The following SHANK1 variants were observed in gnomAD, a reference collection of about 807,000 sequenced individuals.
SHANK1 encodes the protein SH3 and multiple ankyrin repeat domains 1.
Under a neutral mutation model 165.6 loss-of-function variants are expected in SHANK1, and 35 were observed. The observed-to-expected ratio is 0.21, with a 90% CI of 0.16 to 0.28. The LOEUF is 0.28. Among genes scored for constraint, SHANK1 ranks in the 10% least tolerant of loss-of-function variants. The pLI is 1.00. For synonymous variants in SHANK1, 1,428 were observed against 1,384.8 expected (o/e 1.03, Z -0.69); for missense variants, 2,681 against 3,036.4 (o/e 0.88, Z 2.75).
intron 21 of SHANK1, among the ~76,000 whole-genome samples, chr19:50,679,095 A>G (rs1041197672): frequency 2.9e-4 from 3 of 10,506 alleles, no homozygotes; most frequent in African/African-American, 5.5e-4. Context: ...GGTGATGGGG[A>G]GGGGTCAGGG....
intron 10 of SHANK1, 114 bp from the exon 11 acceptor site, chr19:50,703,944 G>A (rs2088904560): frequency 2.7e-6 from 2 of 740,552 alleles, no homozygotes; most frequent in Non-Finnish European, 2.2e-6. Flanking sequence ...AGACAGAGAT[G>A]AGAAAGGGAG....
chr19:50,686,262 C>A lies in SHANK1; in HGVS notation c.2552G>T (p.Arg851Leu), dbSNP rs757198942. 1.9e-5 allele frequency: 30 copies of A among 1,603,998 alleles called. No individual in the cohort carries two copies. The highest frequency in any genetic ancestry group is 2.6e-5 in the Non-Finnish European group (30 of 1,174,588). Residue 851 changes from arginine to leucine, a missense_variant, in exon 21 of 24, where the codon CGA becomes CTA. Arg to Leu is a moderately radical substitution (Grantham distance 102). This residue lies in a region of SHANK1 where 206 missense variants were observed against 216.0 expected (regional missense o/e 0.95). Coordinates refer to ENST00000293441, the MANE Select transcript of SHANK1 (RefSeq NM_016148.5). This position sits in a 1 kb window ranked among gnomAD's most constrained non-coding sequence, Gnocchi z 5.7. ...CTCAGTGGCAAAGAAACCTTTGGGTCGGTGTTTGCCCAGGGACGCGAGGCC... is the reference window on the plus strand; with the variant it reads ...CTCAGTGGCAAAGAAACCTTTGGGTAGGTGTTTGCCCAGGGACGCGAGGCC... Reference protein sequence around the residue: ...PGGLASLGKHRPKGFFATESS... With the variant: ...PGGLASLGKHLPKGFFATESS...
chr19:50,687,042 T>C, intron 19 of SHANK1: 1 of 1,477,312 alleles, frequency 6.8e-7, no homozygotes. Context: ...AGGGGGAGAC[T>C]AGCCCGGGGG....
intron 12 of SHANK1, among the ~76,000 whole-genome samples, chr19:50,698,924 T>G (rs911885913): frequency 6.6e-6 from 1 of 152,270 alleles, no homozygotes; most frequent in Non-Finnish European, 1.5e-5. Context: ...GCCCTTCACA[T>G]AGTTTCCTTC....
chr19:50,698,444 A>G (rs1986808564), intron 12 of SHANK1, among the ~76,000 whole-genome samples: 1 of 152,048 alleles, frequency 6.6e-6, no homozygotes, highest in Non-Finnish European at 1.5e-5. Context: ...TCCTGGCTCT[A>G]GAAGGGAAAA....
In SHANK1 at chr19:50,668,088, C is replaced by T. The variant is rs1391815638; in HGVS notation, c.3872G>A (p.Gly1291Asp). The change falls in exon 23 of 24, where the codon GGC (glycine) becomes GAC (aspartate). Residue 1291 changes from glycine (G) to aspartate (D), a missense_variant. Physicochemically the swap from Gly to Asp is moderately conservative, Grantham distance 94. Around this residue, in one of 10 missense-constraint regions of SHANK1, gnomAD observed 1,713 missense variants for 1,630.2 expected, o/e 1.05. Transcript: ENST00000293441. ...GAGGTAGGGCTCGGCGGAGAACATG[C>T]CCTCGTCGATGGATTTGGAGTGGCG... is the stretch of plus-strand genomic sequence containing the variant. ...RLRHSKSIDEGMFSAEPYLRL... is the reference protein window; with the variant it reads ...RLRHSKSIDEDMFSAEPYLRL... The T allele has an allele frequency of 2.0e-6, 3 of 1,481,086 alleles. No homozygotes were observed. The highest frequency in any genetic ancestry group is 2.7e-6 in the Non-Finnish European group (3 of 1,121,068). The allele number at this position is 1,481,086 out of a possible 1,614,324, so 91.7% of individuals were successfully genotyped here.
chr19:50,706,657 C>G (rs1294706963), intron 8 of SHANK1, among the ~76,000 whole-genome samples: 1 of 151,962 alleles, frequency 6.6e-6, no homozygotes, highest in African/African-American at 2.4e-5. Context: ...GCATAGCTTG[C>G]TTCCTCACTT....
At chr19:50,703,182 C>T (rs541013933) in intron 11 of SHANK1, among the ~76,000 whole-genome samples, 1 of 152,186 alleles carries the variant, frequency 6.6e-6, no homozygotes, top group South Asian at 2.1e-4. Flanking sequence ...TGCCACCCCC[C>T]CCATCCTCTT....
In SHANK1 at chr19:50,702,003, G is replaced by A. The variant is rs1015818822; in HGVS notation, c.1747+464C>T. On this transcript the variant is annotated intron_variant, in intron 12 of 23. Transcript: ENST00000293441. The surrounding 1 kb of genome is among the most constrained non-coding windows in gnomAD (Gnocchi z 5.3). ...AGGTCCCTGCCTGTCTCTCAGTTGA[G>A]GACCCCTGGACAGATGCAGGAGGCA... 6.6e-6 allele frequency among the ~76,000 whole-genome samples: 1 copy of A among 152,166 alleles called. No homozygotes were observed. The highest frequency in any genetic ancestry group is 2.4e-5 in the African/African-American group (1 of 41,434).
chr19:50,691,098 C>T (rs1005483667), intron 15 of SHANK1, among the ~76,000 whole-genome samples: 10 of 152,112 alleles, frequency 6.6e-5, no homozygotes, highest in South Asian at 2.1e-4. Flanking sequence ...ACACCATACC[C>T]GCCATGTCTT....
At chr19:50,696,425 C>T (rs1184369644) in intron 15 of SHANK1, among the ~76,000 whole-genome samples, 4 of 151,992 alleles carry the variant, frequency 2.6e-5, no homozygotes, top group Non-Finnish European at 5.9e-5. Flanking sequence ...CCCCCATCCC[C>T]GACCCATCCC....
chr19:50,704,631 G>A (rs1330382990), intron 8 of SHANK1, 117 bp from the exon 9 acceptor site: 14 of 911,090 alleles, frequency 1.5e-5, no homozygotes, highest in East Asian at 9.8e-5. Flanking sequence ...CCCTAAACCC[G>A]CACCACTGAG....
intron 8 of SHANK1, among the ~76,000 whole-genome samples, chr19:50,709,291 A>G (rs773003872): frequency 6.6e-6 from 1 of 151,962 alleles, no homozygotes; most frequent in Non-Finnish European, 1.5e-5. Context: ...GGCGCCCGCC[A>G]CCACGCCTGG....
Position 50,697,525 on chromosome 19 carries a change from A to G in SHANK1, c.1937+64T>C. 1 of 1,181,166 alleles carries G rather than the reference A, an allele frequency of 8.5e-7. No homozygotes were observed. Among genetic ancestry groups the G allele is most frequent in the Non-Finnish European group, 1.3e-6 (1 of 784,852 alleles). The allele number at this position is 1,181,166 out of a possible 1,614,324, so 73.2% of individuals were successfully genotyped here. A position where few individuals can be genotyped will look rare whatever the true frequency, so the allele number is the denominator to read the frequency against. ...GGCTTAGAGGTGATGGAAATATTTA[A>G]AGGTGTACATTGTGAAGGGAACTTG... On this transcript the variant is annotated intron_variant, in intron 14 of 23. Transcript: ENST00000293441. This position sits in a 1 kb window ranked among gnomAD's most constrained non-coding sequence, Gnocchi z 4.7.
At position 50,718,764 on chromosome 19, in the gene SHANK1, G is replaced by T. The variant is rs1329655221; in HGVS notation, c.-44+642C>A. On this transcript the variant is annotated intron_variant, in intron 1 of 23. Coordinates refer to ENST00000293441, the MANE Select transcript of SHANK1 (RefSeq NM_016148.5). This position sits in a 1 kb window ranked among gnomAD's most constrained non-coding sequence, Gnocchi z 5.1. ...CGGGGAGGGGCGGGGAGAGAGAGCC[G>T]GAGCCGAGGCTGGGAAACTGGTGGG... Among the ~76,000 whole-genome samples the T allele has an allele frequency of 2.0e-5, 3 of 147,918 alleles. No homozygotes were observed. Among genetic ancestry groups the T allele is most frequent in the Admixed American group, 6.7e-5 (1 of 14,992 alleles).
chr19:50,668,132 C>T lies in SHANK1; in HGVS notation c.3828G>A (p.Ala1276=), dbSNP rs1289877448. 1.4e-6 allele frequency: 2 copies of T among 1,472,974 alleles called. No homozygotes were observed. Among genetic ancestry groups the T allele is most frequent in the East Asian group, 6.0e-5 (2 of 33,540 alleles). 91.2% of individuals were successfully genotyped at this position (1,472,974 alleles called of 1,614,324 possible). A position where few individuals can be genotyped will look rare whatever the true frequency, so the allele number is the denominator to read the frequency against. The change falls in exon 23 of 24, where the codon GCG becomes GCA. Residue 1276 remains alanine (A), a synonymous_variant. Coordinates refer to ENST00000293441, the MANE Select transcript of SHANK1 (RefSeq NM_016148.5). ...DGGDGGLGTG[A]APGPRLRHSK... ...AGTGGCGCAGCCGCGGGCCCGGGGCCGCCCCTGTGCCCAGCCCGCCGTCCC... is the reference window on the plus strand; with the variant it reads ...AGTGGCGCAGCCGCGGGCCCGGGGCTGCCCCTGTGCCCAGCCCGCCGTCCC...
At chr19:50,695,114 C>G (rs925278181) in intron 15 of SHANK1, among the ~76,000 whole-genome samples, 4 of 146,552 alleles carry the variant, frequency 2.7e-5, no homozygotes, top group Non-Finnish European at 4.6e-5. Context: ...GCCGCGTCCC[C>G]GTACCCGCTC....
Position 50,686,790 on chromosome 19 carries a change from C to A in SHANK1, c.2412G>T (p.Pro804=). ...TCCGCTTTTTCTCCATGCTGGGCAC[C>A]GGCGCCGGCTGCTGCTCGTACTCTG... The part of the protein sequence containing the change: ...EEMEYEQQPA[P]VPSMEKKRTV... Residue 804 remains proline, a synonymous_variant, in exon 20 of 24, where the codon CCG becomes CCT. Coordinates refer to ENST00000293441, the MANE Select transcript of SHANK1 (RefSeq NM_016148.5). The surrounding 1 kb of genome is among the most constrained non-coding windows in gnomAD (Gnocchi z 5.7). 1 of 1,613,736 alleles carries A rather than the reference C, an allele frequency of 6.2e-7. No homozygotes were observed. Among genetic ancestry groups the A allele is most frequent in the Non-Finnish European group, 8.5e-7 (1 of 1,179,786 alleles).
intron 16 of SHANK1, 51 bp from the exon 17 acceptor site, chr19:50,689,019 C>G (rs547461164): frequency 2.9e-6 from 4 of 1,374,702 alleles, no homozygotes; most frequent in Non-Finnish European, 4.0e-6. Flanking sequence ...GTGGAGAGGC[C>G]GAGCAGGGGA....
Sources: allele counts gnomAD v4.1 joint callset (sites outside exome capture counted in the v4.1 genomes callset), GRCh38; gene constraint gnomAD v4.1.1; regional missense constraint gnomAD v4.1.1; non-coding constraint Gnocchi (gnomAD v3.1); transcripts MANE v1.5; gene names NCBI Gene and HGNC (gene_info 2026-07-23, HGNC 2026-07-21).